The following EYS variants were observed in gnomAD, a reference collection of about 807,000 sequenced individuals.
The protein encoded by EYS is EGF-like photoreceptor maintenance factor.
A neutral mutation model predicts 282.1 loss-of-function variants in EYS; 250 were observed. The observed-to-expected ratio is 0.89, with a 90% confidence interval of 0.80 to 0.98. The LOEUF (loss-of-function observed/expected upper bound fraction) is 0.98. Among genes scored for constraint, EYS ranks in the 50% least tolerant of loss-of-function variants. EYS has a pLI of 0.00. For missense variants in EYS, 4,016 were observed against 3,709.0 expected (o/e 1.08, Z -2.15); for synonymous variants, 1,355 against 1,282.9 (o/e 1.06, Z -1.20).
In EYS at chr6:64,007,609, T is replaced by G. The variant is rs138674367; in HGVS notation, c.6726-8426A>C. Among the ~76,000 whole-genome samples, 7 of 152,038 alleles carry G rather than the reference T, an allele frequency of 4.6e-5. No homozygotes were observed. In the East Asian group the frequency reaches 1.4e-3, roughly 29 times the overall value. On this transcript the variant is annotated intron_variant, in intron 33 of 42. Coordinates refer to ENST00000503581, the MANE Select transcript of EYS (RefSeq NM_001142800.2). ...AGTTGTTAATTTGAGATCTAACTTTTTGATATGGGCATTTAGCACTATAAC... is the reference window on the plus strand; with the variant it reads ...AGTTGTTAATTTGAGATCTAACTTTGTGATATGGGCATTTAGCACTATAAC...
chr6:65,005,891 G>A (rs967434109), intron 13 of EYS, among the ~76,000 whole-genome samples: 2 of 152,144 alleles, frequency 1.3e-5, no homozygotes, highest in Admixed American at 6.5e-5. Context: ...ACACCTCCTG[G>A]GTCCCGACCA....
intron 26 of EYS, among the ~76,000 whole-genome samples, chr6:64,564,136 A>AGTAATGCT (rs1298043266): frequency 6.6e-6 from 1 of 151,928 alleles, no homozygotes; most frequent in Non-Finnish European, 1.5e-5. Flanking sequence ...TGGATCACAT[A>AGTAATGCT]GTAATGCTGT....
intron 30 of EYS, among the ~76,000 whole-genome samples, chr6:64,249,665 C>A (rs559987912): frequency 6.6e-6 from 1 of 152,194 alleles, no homozygotes; most frequent in East Asian, 1.9e-4. Context: ...CTTGAAGAAG[C>A]AAGCAGATGG....
intron 31 of EYS, among the ~76,000 whole-genome samples, chr6:64,095,755 T>C (rs1772582228): frequency 6.6e-6 from 1 of 152,222 alleles, no homozygotes; most frequent in Non-Finnish European, 1.5e-5. Context: ...CCTATTTACA[T>C]TTAAGGTTAA....
intron 2 of EYS, among the ~76,000 whole-genome samples, chr6:65,517,404 T>C (rs1004285776): frequency 8.6e-5 from 13 of 151,906 alleles, no homozygotes; most frequent in Admixed American, 8.5e-4. Context: ...TCAATCTTCT[T>C]ACTCTACCTG....
chr6:65,469,693 G>A (rs902251669), intron 5 of EYS, among the ~76,000 whole-genome samples: 9 of 151,808 alleles, frequency 5.9e-5, no homozygotes, highest in Non-Finnish European at 1.2e-4. Flanking sequence ...ATTAGTACTG[G>A]TGAATACCAT....
intron 2 of EYS, among the ~76,000 whole-genome samples, chr6:65,555,474 TTTA>T (rs1768765251): frequency 1.3e-5 from 2 of 152,248 alleles, no homozygotes; most frequent in Admixed American, 6.5e-5. Context: ...GCAATATACT[TTTA>T]TTATTATACA....
chr6:65,265,155 C>T (rs1459308772), intron 12 of EYS, among the ~76,000 whole-genome samples: 4 of 152,052 alleles, frequency 2.6e-5, no homozygotes, highest in South Asian at 2.1e-4. Flanking sequence ...AGCTTAATAC[C>T]TGGGTAATGA....
rs184433451 is a variant in EYS at position 64,132,126 on chromosome 6, A to G, written c.6425-50124T>C. On this transcript the variant is annotated intron_variant, in intron 31 of 42. Coordinates refer to ENST00000503581, the MANE Select transcript of EYS (RefSeq NM_001142800.2). ...ATACCTGTCAATGATGTTTTATTGTATAAGACTAAATTATGTTCTTGAAAC... is the reference window on the plus strand; with the variant it reads ...ATACCTGTCAATGATGTTTTATTGTGTAAGACTAAATTATGTTCTTGAAAC... 7.2e-5 allele frequency among the ~76,000 whole-genome samples: 11 copies of G among 152,204 alleles called. 1 individual carries two copies. Among genetic ancestry groups the G allele is most frequent in the African/African-American group, 2.4e-4 (10 of 41,536 alleles).
rs73438903 is a variant in EYS, at chr6:64,641,331, C to T, written c.3444-15086G>A. Among the ~76,000 whole-genome samples the T allele has an allele frequency of 4.0e-3, 612 of 152,242 alleles. 5 individuals carry two copies. The highest frequency in any genetic ancestry group is 0.014 in the African/African-American group (563 of 41,564). On this transcript the variant is annotated intron_variant, in intron 22 of 42. Transcript: ENST00000503581. ...ATCACCAGAATAGTGCAGGAAAGAACCTCCACCATAATTCAATTGCCTCCC... is the reference window on the plus strand; with the variant it reads ...ATCACCAGAATAGTGCAGGAAAGAATCTCCACCATAATTCAATTGCCTCCC...
At chr6:65,640,622 C>A (rs1767245029) in intron 1 of EYS, among the ~76,000 whole-genome samples, 1 of 151,974 alleles carries the variant, frequency 6.6e-6, no homozygotes, top group Admixed American at 6.5e-5. Flanking sequence ...CTGTGTTGTT[C>A]TGGGTTTTTA....
At chr6:65,331,165 ATAAT>A (rs1465803424) in intron 11 of EYS, 2 of 873,102 alleles carry the variant, frequency 2.3e-6, no homozygotes, top group African/African-American at 1.8e-5. Context: ...ATATAACATG[ATAAT>A]TAGTTTCTAA....
At chr6:65,689,547 T>A (rs966230294) in intron 1 of EYS, among the ~76,000 whole-genome samples, 4 of 149,840 alleles carry the variant, frequency 2.7e-5, no homozygotes, top group Admixed American at 2.0e-4. Flanking sequence ...GTGTAAAAAT[T>A]AAGATAAATT....
intron 19 of EYS, among the ~76,000 whole-genome samples, chr6:64,839,929 A>G (rs1214101347): frequency 6.6e-6 from 1 of 152,026 alleles, no homozygotes; most frequent in Non-Finnish European, 1.5e-5. Context: ...AATATCACCA[A>G]AATGGAGATT....
chr6:65,234,333 T>C (rs1333684681), intron 12 of EYS, among the ~76,000 whole-genome samples: 1 of 152,156 alleles, frequency 6.6e-6, no homozygotes, highest in Non-Finnish European at 1.5e-5. Flanking sequence ...GTCTTTCTGG[T>C]TTGTTCTTTC....
At chr6:64,488,107 G>A (rs1776629576) in intron 26 of EYS, among the ~76,000 whole-genome samples, 1 of 150,924 alleles carries the variant, frequency 6.6e-6, no homozygotes, top group African/African-American at 2.4e-5. Context: ...AAACTGTTAA[G>A]TTGTTTTGAC....
chr6:65,074,488 C>T (rs777496191), intron 12 of EYS, among the ~76,000 whole-genome samples: 1 of 151,880 alleles, frequency 6.6e-6, no homozygotes, highest in Non-Finnish European at 1.5e-5. Context: ...TGGCTACTGC[C>T]GAGGGAGTGC....
At chr6:64,201,786 TATTTA>T (rs1765465627) in intron 31 of EYS, among the ~76,000 whole-genome samples, 1 of 152,184 alleles carries the variant, frequency 6.6e-6, no homozygotes, top group Non-Finnish European at 1.5e-5. Context: ...TAACAGAATG[TATTTA>T]ATTTAAGGAT....
chr6:64,814,633 G>C (rs889087993), intron 21 of EYS, among the ~76,000 whole-genome samples: 5 of 151,846 alleles, frequency 3.3e-5, no homozygotes, highest in African/African-American at 1.2e-4. Flanking sequence ...CCACAAACAT[G>C]GTATGACATT....
Sources: allele counts gnomAD v4.1 joint callset (sites outside exome capture counted in the v4.1 genomes callset), GRCh38; gene constraint gnomAD v4.1.1; transcripts MANE v1.5; gene names NCBI Gene and HGNC (gene_info 2026-07-23, HGNC 2026-07-21).